The following GPM6A variants were observed in gnomAD, a reference collection of about 807,000 sequenced individuals.
GPM6A encodes neuronal membrane glycoprotein M6-a.
GPM6A carries 7 observed loss-of-function variants against 32.1 expected under a neutral mutation model. The ratio of observed to expected loss-of-function variants is 0.22; its 90% confidence interval spans 0.12 to 0.41. The LOEUF (loss-of-function observed/expected upper bound fraction) is 0.41. Among genes scored for constraint, GPM6A ranks in the 10% least tolerant of loss-of-function variants. The pLI, the probability that GPM6A is intolerant of heterozygous loss-of-function variation, is 1.00. For missense variants in GPM6A, 235 were observed against 347.2 expected, an observed-to-expected ratio of 0.68 and a Z score of 2.57; for synonymous variants, 130 against 123.4, an observed-to-expected ratio of 1.05 and a Z score of -0.35.
chr4:175,674,650 C>G (rs576583247), intron 2 of GPM6A, among the ~76,000 whole-genome samples: 24 of 152,260 alleles, frequency 1.6e-4, no homozygotes, highest in African/African-American at 5.5e-4. Flanking sequence ...CATATTTTTA[C>G]GTTACAGATA....
chr4:175,735,205 A>G (rs1369964733), intron 1 of GPM6A, among the ~76,000 whole-genome samples: 1 of 152,206 alleles, frequency 6.6e-6, no homozygotes, highest in Non-Finnish European at 1.5e-5. Context: ...AAGCTCTAAC[A>G]GGCTGAAGAA....
At chr4:175,998,344 G>T (rs1221294115) in intron 1 of GPM6A, among the ~76,000 whole-genome samples, 3 of 151,930 alleles carry the variant, frequency 2.0e-5, no homozygotes, top group African/African-American at 7.3e-5. Context: ...AGTAGAGACG[G>T]TCTCACTATG....
At chr4:175,887,556 T>A (rs11930242) in intron 1 of GPM6A, among the ~76,000 whole-genome samples, 5,207 of 151,760 alleles carry the variant, frequency 0.034, 266 homozygotes, top group African/African-American at 0.12. Flanking sequence ...AAAAGAGTAA[T>A]TAATAGAATT....
At chr4:175,812,708 T>C, upstream of GPM6A, 1 of 985,544 alleles carries the variant, frequency 1.0e-6, no homozygotes, top group Non-Finnish European at 1.2e-6. Flanking sequence ...CCTCCTAACA[T>C]GAAGCCGACC....
intron 1 of GPM6A, among the ~76,000 whole-genome samples, chr4:175,920,649 A>G (rs963681660): frequency 5.3e-5 from 8 of 152,248 alleles, no homozygotes; most frequent in South Asian, 2.1e-4. Context: ...GGAGTTCGAG[A>G]CTAGCCTGGG....
Position 175,670,861 on chromosome 4 carries a change from A to ATTTT in GPM6A, c.387+2815_387+2818dup, listed in dbSNP as rs33998725. Reference sequence around the variant, plus strand: ...CCATTCAGTGATACAATGTTGCTTCATTTTTTTTTTTTTTTTTTTTGAGAC... The same window carrying ATTTT: ...CCATTCAGTGATACAATGTTGCTTCATTTTTTTTTTTTTTTTTTTTTTTTGAGAC... On this transcript the variant is annotated intron_variant, in intron 3 of 6. Transcript: ENST00000393658. Among the ~76,000 whole-genome samples the ATTTT allele has an allele frequency of 8.9e-4, 110 of 124,170 alleles. 1 individual carries two copies. Among genetic ancestry groups the ATTTT allele is most frequent in the African/African-American group, 2.2e-3 (75 of 34,396 alleles). 81.5% of individuals were successfully genotyped at this position (124,170 alleles called of 152,430 possible).
chr4:175,923,215 TTA>T (rs201557656), intron 1 of GPM6A, among the ~76,000 whole-genome samples: 73 of 26,734 alleles, frequency 2.7e-3, no homozygotes, highest in African/African-American at 5.4e-3. Context: ...ATAACATGAT[TTA>T]TATATATATA....
chr4:175,695,795 G>A (rs1180604171), intron 2 of GPM6A, among the ~76,000 whole-genome samples: 2 of 152,114 alleles, frequency 1.3e-5, no homozygotes, highest in Non-Finnish European at 2.9e-5. Flanking sequence ...TGAGATTTGG[G>A]AGAGGCCTAG....
At chr4:175,866,837 C>T (rs1736754832) in intron 1 of GPM6A, among the ~76,000 whole-genome samples, 1 of 152,164 alleles carries the variant, frequency 6.6e-6, no homozygotes, top group South Asian at 2.1e-4. Context: ...TAAGAAACCA[C>T]CAAACTGTCT....
At chr4:175,704,615 A>G (rs947280218) in intron 1 of GPM6A, among the ~76,000 whole-genome samples, 14 of 152,170 alleles carry the variant, frequency 9.2e-5, no homozygotes, top group African/African-American at 1.2e-4. Flanking sequence ...TGCCAGCCCA[A>G]TGTAGAGCTA....
chr4:175,918,524 C>T (rs1738567909), intron 1 of GPM6A, among the ~76,000 whole-genome samples: 1 of 151,788 alleles, frequency 6.6e-6, no homozygotes, highest in Non-Finnish European at 1.5e-5. Flanking sequence ...AAAAAAGCTA[C>T]AAATGAATTC....
At chr4:175,756,452 G>A (rs1732528399) in intron 1 of GPM6A, among the ~76,000 whole-genome samples, 1 of 152,192 alleles carries the variant, frequency 6.6e-6, no homozygotes, top group Admixed American at 6.6e-5. Flanking sequence ...CCATGAAACA[G>A]TCTGGCTGGT....
chr4:175,963,240 C>T (rs933422190), intron 1 of GPM6A, among the ~76,000 whole-genome samples: 4 of 151,982 alleles, frequency 2.6e-5, no homozygotes, highest in Non-Finnish European at 4.4e-5. Context: ...GAAAAAAATA[C>T]TTGAAGCAAT....
intron 4 of GPM6A, 100 bp downstream of exon 4, chr4:175,651,734 C>G: frequency 1.2e-6 from 1 of 847,368 alleles, no homozygotes; most frequent in Non-Finnish European, 1.9e-6. Flanking sequence ...AGAAAAGGTA[C>G]TGATAATTCC....
intron 4 of GPM6A, among the ~76,000 whole-genome samples, 178 bp downstream of exon 4, chr4:175,651,656 G>C (rs1306270755): frequency 2.6e-5 from 4 of 151,988 alleles, no homozygotes; most frequent in Non-Finnish European, 5.9e-5. Context: ...ATTCACCCTT[G>C]ACTTTCTACT....
At chr4:175,722,648 C>A (rs1746201715) in intron 1 of GPM6A, among the ~76,000 whole-genome samples, 1 of 152,064 alleles carries the variant, frequency 6.6e-6, no homozygotes, top group Non-Finnish European at 1.5e-5. Flanking sequence ...CCTCACCCGG[C>A]AGGTAACAGA....
chr4:175,931,360 A>C (rs1739031723), intron 1 of GPM6A, among the ~76,000 whole-genome samples: 2 of 152,146 alleles, frequency 1.3e-5, no homozygotes, highest in Admixed American at 1.3e-4. Flanking sequence ...GGTTTTTCTA[A>C]AACACTTTTT....
At chr4:175,636,266 AT>A (rs1740587809) in intron 6 of GPM6A, among the ~76,000 whole-genome samples, 1 of 41,494 alleles carries the variant, frequency 2.4e-5, no homozygotes. Context: ...CACTGTATAT[AT>A]ATATATATAT....
At chr4:175,834,743 C>T (rs1195616659) in intron 1 of GPM6A, among the ~76,000 whole-genome samples, 1 of 152,140 alleles carries the variant, frequency 6.6e-6, no homozygotes, top group African/African-American at 2.4e-5. Flanking sequence ...GTATTATTAC[C>T]ATCACTACTA....
Sources: allele counts gnomAD v4.1 joint callset (sites outside exome capture counted in the v4.1 genomes callset), GRCh38; gene constraint gnomAD v4.1.1; transcripts MANE v1.5; gene names NCBI Gene and HGNC (gene_info 2026-07-23, HGNC 2026-07-21).